The following SGMS1 variants were observed in gnomAD, a reference collection of about 807,000 sequenced individuals.
SGMS1 encodes the protein phosphatidylcholine:ceramide cholinephosphotransferase 1.
SGMS1 carries 13 observed loss-of-function variants against 46.2 expected under a neutral mutation model. That is an observed-to-expected ratio of 0.28 (90% confidence interval 0.18 to 0.45). The LOEUF (loss-of-function observed/expected upper bound fraction) is 0.45, where lower values mean the gene tolerates loss of function less well. SGMS1 is among the 20% of genes least tolerant of loss of function. The pLI is 1.00. For synonymous variants in SGMS1, 203 were observed against 187.8 expected, an observed-to-expected ratio of 1.08 and a Z score of -0.66; for missense variants, 324 against 519.9, an observed-to-expected ratio of 0.62 and a Z score of 3.66.
chr10:50,455,055 T>C (rs902510724), intron 5 of SGMS1, among the ~76,000 whole-genome samples: 16 of 152,156 alleles, frequency 1.1e-4, no homozygotes, highest in Admixed American at 8.5e-4. Context: ...AGAGAAATGA[T>C]CTTGTTTGTT....
intron 2 of SGMS1, among the ~76,000 whole-genome samples, chr10:50,524,305 C>T (rs1837880940): frequency 6.6e-6 from 1 of 152,156 alleles, no homozygotes; most frequent in Admixed American, 6.6e-5. Context: ...CAACCCATTT[C>T]CCAGAAATGC....
At chr10:50,360,203 C>T (rs1848224745) in intron 6 of SGMS1, among the ~76,000 whole-genome samples, 1 of 152,172 alleles carries the variant, frequency 6.6e-6, no homozygotes, top group Non-Finnish European at 1.5e-5. Context: ...ATTCCCAAGA[C>T]ATAATGGTCC....
At chr10:50,411,781 A>C (rs200308014) in intron 6 of SGMS1, among the ~76,000 whole-genome samples, 1 of 152,356 alleles carries the variant, frequency 6.6e-6, no homozygotes, top group East Asian at 1.9e-4. Flanking sequence ...TCACCAGTTC[A>C]GGATTCTCTG....
chr10:50,596,137 T>C (rs547797422), intron 1 of SGMS1, among the ~76,000 whole-genome samples: 77 of 151,996 alleles, frequency 5.1e-4, no homozygotes, highest in African/African-American at 1.7e-3. Flanking sequence ...TCAAGATGGA[T>C]GATTCAATAA....
At position 50,432,947 on chromosome 10, in the gene SGMS1, A is replaced by G. The variant is rs191185287; in HGVS notation, c.-232+529T>C. ...GTGAAACCAAAATCAACCATATGTA[A>G]CTGTCAGATAATTAGCAAACATTAA... is the stretch of plus-strand genomic sequence containing the variant. On this transcript the variant is annotated intron_variant, in intron 6 of 10. Transcript: ENST00000361781. Among the ~76,000 whole-genome samples, 324 of 152,340 alleles carry G rather than the reference A, an allele frequency of 2.1e-3. 2 individuals are homozygous for G. Among genetic ancestry groups the G allele is most frequent in the Non-Finnish European group, 1.4e-3 (92 of 68,030 alleles).
chr10:50,326,861 G>A (rs7895250), intron 8 of SGMS1, among the ~76,000 whole-genome samples: 35,834 of 152,012 alleles, frequency 0.24, 4,283 homozygotes, highest in East Asian at 0.31. Flanking sequence ...TGGAAAAAAT[G>A]TCACTTGAAA....
At chr10:50,576,948 T>A (rs1033913802) in intron 2 of SGMS1, among the ~76,000 whole-genome samples, 3 of 152,244 alleles carry the variant, frequency 2.0e-5, no homozygotes, top group Non-Finnish European at 4.4e-5. Flanking sequence ...GGCTCTTTTA[T>A]CCTGTCATCT....
intron 7 of SGMS1, among the ~76,000 whole-genome samples, chr10:50,328,511 GAAAC>G (rs1321089349): frequency 7.2e-5 from 11 of 152,168 alleles, no homozygotes; most frequent in Non-Finnish European, 1.6e-4. Flanking sequence ...TTTAAAAAGA[GAAAC>G]AAAGATATGT....
Position 50,307,930 on chromosome 10 carries a change from C to T in SGMS1, c.1062+52G>A. On this transcript the variant is annotated intron_variant, in intron 10 of 10. Coordinates refer to ENST00000361781, the MANE Select transcript of SGMS1 (RefSeq NM_147156.4). This position sits in a 1 kb window ranked among gnomAD's most constrained non-coding sequence, Gnocchi z 4.2. ...GTTCTTTGCACCCTGTCCAAGCCAG[C>T]AACATCAAGCCAGAAACAACAGAAG... 3 of 1,601,202 alleles carry T rather than the reference C, an allele frequency of 1.9e-6. No homozygotes were observed. The highest frequency in any genetic ancestry group is 2.6e-6 in the Non-Finnish European group (3 of 1,171,862).
chr10:50,517,748 A>G (rs1837818328), intron 3 of SGMS1, among the ~76,000 whole-genome samples: 1 of 152,168 alleles, frequency 6.6e-6, no homozygotes, highest in African/African-American at 2.4e-5. Context: ...GAAACTGCTG[A>G]ACACCAAAGA....
chr10:50,592,584 C>A (rs1461272592), intron 1 of SGMS1, among the ~76,000 whole-genome samples: 1 of 152,148 alleles, frequency 6.6e-6, no homozygotes, highest in African/African-American at 2.4e-5. Context: ...GAAGTCCAGG[C>A]ACGTATCATC....
Position 50,307,981 on chromosome 10 carries a change from C to G in SGMS1, c.1062+1G>C. 6.2e-7 allele frequency: 1 copy of G among 1,613,414 alleles called. No individual in the cohort carries two copies. Among genetic ancestry groups the G allele is most frequent in the Non-Finnish European group, 8.5e-7 (1 of 1,179,820 alleles). The stretch of plus-strand genomic sequence containing the variant: ...CTAAAATCAAAAGCGGGGAAACTCA[C>G]TTGCTGATTGGCCATAGTGTGATAC... On this transcript the variant is annotated splice_donor_variant, in intron 10 of 10. Coordinates refer to ENST00000361781, the MANE Select transcript of SGMS1 (RefSeq NM_147156.4). LOFTEE classifies it high-confidence loss of function. The surrounding 1 kb of genome is among the most constrained non-coding windows in gnomAD (Gnocchi z 4.2).
At chr10:50,360,571 C>T (rs1848230111) in intron 6 of SGMS1, among the ~76,000 whole-genome samples, 2 of 152,176 alleles carry the variant, frequency 1.3e-5, no homozygotes, top group East Asian at 1.9e-4. Context: ...CCTCTGAGTC[C>T]GAACCAGCAG....
intron 3 of SGMS1, among the ~76,000 whole-genome samples, chr10:50,480,167 T>C (rs1837463203): frequency 6.6e-6 from 1 of 152,090 alleles, no homozygotes; most frequent in Non-Finnish European, 1.5e-5. Context: ...CATGAGAGGA[T>C]ACCTCACAGG....
intron 3 of SGMS1, among the ~76,000 whole-genome samples, chr10:50,509,974 C>T (rs1240882408): frequency 2.0e-5 from 3 of 152,152 alleles, no homozygotes; most frequent in African/African-American, 7.2e-5. Context: ...GACAAACACA[C>T]ACAGTCATGT....
At chr10:50,562,614 T>C (rs1015497874) in intron 2 of SGMS1, among the ~76,000 whole-genome samples, 1 of 151,976 alleles carries the variant, frequency 6.6e-6, no homozygotes, top group Non-Finnish European at 1.5e-5. Context: ...CGCGATCTCG[T>C]CTCACTGCAA....
intron 1 of SGMS1, among the ~76,000 whole-genome samples, chr10:50,591,127 T>C (rs1244444165): frequency 6.6e-6 from 1 of 152,204 alleles, no homozygotes; most frequent in African/African-American, 2.4e-5. Flanking sequence ...CCTGTTGCCA[T>C]GACGATACCT....
chr10:50,330,744 G>A lies in SGMS1; in HGVS notation c.624-3422C>T, dbSNP rs191732782. Among the ~76,000 whole-genome samples the A allele has an allele frequency of 1.1e-4, 16 of 152,256 alleles. No homozygotes were observed. The East Asian group carries it at 2.5e-3, about 24-fold the overall frequency. ...CAAAACTAAGAGGCAATACACAAGG[G>A]AGAGCACATGTAACTAACACAGAAT... is the stretch of plus-strand genomic sequence containing the variant. On this transcript the variant is annotated intron_variant, in intron 7 of 10. Transcript: ENST00000361781.
intron 3 of SGMS1, among the ~76,000 whole-genome samples, chr10:50,504,284 T>A (rs1330214558): frequency 6.6e-6 from 1 of 152,164 alleles, no homozygotes; most frequent in South Asian, 2.1e-4. Flanking sequence ...TGAGAATCTA[T>A]ATTTTTAATA....
Sources: allele counts gnomAD v4.1 joint callset (sites outside exome capture counted in the v4.1 genomes callset), GRCh38; gene constraint gnomAD v4.1.1; non-coding constraint Gnocchi (gnomAD v3.1); transcripts MANE v1.5; gene names NCBI Gene and HGNC (gene_info 2026-07-23, HGNC 2026-07-21).